The following XNDC1N variants were observed in gnomAD, a reference collection of about 807,000 sequenced individuals.
The protein encoded by XNDC1N is protein XNDC1N.
At chr11:71,877,592 C>T in the XNDC1N span, among the ~76,000 whole-genome samples, 3 of 152,186 alleles carry the variant, frequency 2.0e-5, no homozygotes, top group Non-Finnish European at 2.9e-5. Context: ...GAGCCAAGAT[C>T]GCACCACTGC....
chr11:71,928,172 G>A, the XNDC1N span: 1 of 449,774 alleles, frequency 2.2e-6, no homozygotes, highest in African/African-American at 2.0e-5. Flanking sequence ...TGGCATGACA[G>A]CCTAAGTAAG....
At chr11:71,907,783 C>T in the XNDC1N span, among the ~76,000 whole-genome samples, 14 of 151,956 alleles carry the variant, frequency 9.2e-5, no homozygotes, top group African/African-American at 3.4e-4. Flanking sequence ...ATCATGGGAA[C>T]GATATCCTTG....
the XNDC1N span, chr11:71,884,564 A>C: frequency 1.9e-6 from 3 of 1,598,428 alleles, no homozygotes; most frequent in Non-Finnish European, 1.7e-6. Flanking sequence ...AGTGGTGAAA[A>C]TTCTAACTCC....
At chr11:71,871,516 A>G in the XNDC1N span, among the ~76,000 whole-genome samples, 461 of 152,334 alleles carry the variant, frequency 3.0e-3, 3 homozygotes, top group African/African-American at 0.01. Flanking sequence ...CCAAAAGAAT[A>G]CATTTCAACC....
chr11:71,904,926 G>A, the XNDC1N span, among the ~76,000 whole-genome samples: 16 of 151,802 alleles, frequency 1.1e-4, no homozygotes, highest in South Asian at 2.1e-4. Flanking sequence ...AGGACATTAC[G>A]AATAATATCA....
At chr11:71,873,338 T>C in the XNDC1N span, among the ~76,000 whole-genome samples, 26 of 152,334 alleles carry the variant, frequency 1.7e-4, 1 homozygote, top group East Asian at 5.0e-3. Context: ...CTAATTATTT[T>C]GTATTCATTT....
chr11:71,882,471 T>C, the XNDC1N span, among the ~76,000 whole-genome samples: 10 of 152,228 alleles, frequency 6.6e-5, no homozygotes, highest in African/African-American at 2.4e-4. Flanking sequence ...CCCCAGGTGA[T>C]CTGCCCGCCT....
the XNDC1N span, among the ~76,000 whole-genome samples, chr11:71,898,381 C>A: frequency 6.6e-6 from 1 of 151,950 alleles, no homozygotes; most frequent in African/African-American, 2.4e-5. Flanking sequence ...CTGAGGCAGG[C>A]GGATCACTTA....
At chr11:71,921,371 T>C in the XNDC1N span, among the ~76,000 whole-genome samples, 1 of 152,144 alleles carries the variant, frequency 6.6e-6, no homozygotes, top group Non-Finnish European at 1.5e-5. Flanking sequence ...CTTCAACTCC[T>C]GGGCTCAAGC....
the XNDC1N span, chr11:71,878,585 G>T: frequency 1.3e-6 from 2 of 1,505,622 alleles, no homozygotes; most frequent in South Asian, 2.4e-5. Context: ...TCAAGAGTCT[G>T]AAAATAAATT....
chr11:71,903,193 A>C, the XNDC1N span: 1 of 731,242 alleles, frequency 1.4e-6, no homozygotes, highest in Non-Finnish European at 2.5e-6. Flanking sequence ...CAAACGATAC[A>C]GACCCACAGA....
the XNDC1N span, chr11:71,903,136 G>C: frequency 1.5e-6 from 1 of 659,652 alleles, no homozygotes; most frequent in East Asian, 2.9e-5. Flanking sequence ...TGGTTTACTT[G>C]TTTCCGATTT....
chr11:71,885,012 C>T, the XNDC1N span, among the ~76,000 whole-genome samples: 2 of 152,052 alleles, frequency 1.3e-5, no homozygotes, highest in African/African-American at 2.4e-5. Flanking sequence ...TTAGGATCCG[C>T]GGTGGATACA....
chr11:71,910,545 G>T, the XNDC1N span, among the ~76,000 whole-genome samples: 1 of 152,214 alleles, frequency 6.6e-6, no homozygotes, highest in Admixed American at 6.5e-5. Context: ...GTAGGTTGAG[G>T]ACCTTCTGCT....
the XNDC1N span, among the ~76,000 whole-genome samples, chr11:71,909,549 C>T: frequency 7.9e-5 from 12 of 152,290 alleles, no homozygotes; most frequent in Middle Eastern, 3.4e-3. Context: ...GAGGGAGACC[C>T]GGCTCAAGCG....
At chr11:71,921,933 A>T in the XNDC1N span, among the ~76,000 whole-genome samples, 1 of 152,154 alleles carries the variant, frequency 6.6e-6, no homozygotes, top group African/African-American at 2.4e-5. Context: ...AGACCAAGGC[A>T]GGCGGATCAT....
At chr11:71,884,432 A>G in the XNDC1N span, 3 of 1,600,630 alleles carry the variant, frequency 1.9e-6, no homozygotes, top group South Asian at 3.4e-5. Flanking sequence ...CTAATGATGA[A>G]TGTCCTTCAG....
chr11:71,898,992 G>A, the XNDC1N span, among the ~76,000 whole-genome samples: 1 of 152,072 alleles, frequency 6.6e-6, no homozygotes, highest in Non-Finnish European at 1.5e-5. Context: ...AAAGAAAGAA[G>A]GGAAGAATAC....
At chr11:71,888,385 C>A in the XNDC1N span, among the ~76,000 whole-genome samples, 2 of 152,152 alleles carry the variant, frequency 1.3e-5, no homozygotes, top group Admixed American at 6.5e-5. Flanking sequence ...ATTAGCCAAG[C>A]CTTTGTATGC....
Sources: gnomAD v4.1 joint callset for allele counts (sites outside exome capture counted in the v4.1 genomes callset) on GRCh38, gnomAD v4.1.1 for gene constraint, MANE v1.5 for transcripts, NCBI Gene and HGNC (gene_info 2026-07-23, HGNC 2026-07-21) for gene names.